ZFAND3: variants seen among roughly 807,000 people sequenced by gnomAD.
ZFAND3 encodes zinc finger AN1-type containing 3.
In ZFAND3, 10 loss-of-function variants were observed where a neutral mutation model predicts 29.6. The observed-to-expected ratio is 0.34, with a 90% CI of 0.21 to 0.57. The LOEUF is 0.57. Among genes scored for constraint, ZFAND3 ranks in the 20% least tolerant of loss-of-function variants. The pLI, the probability that ZFAND3 is intolerant of heterozygous loss-of-function variation, is 0.86. For synonymous variants in ZFAND3, 128 were observed against 112.6 expected, an observed-to-expected ratio of 1.14 and a Z score of -0.87; for missense variants, 230 against 304.5, an observed-to-expected ratio of 0.76 and a Z score of 1.82.
chr6:38,029,678 GA>G (rs1454883305), intron 2 of ZFAND3, among the ~76,000 whole-genome samples: 4 of 152,124 alleles, frequency 2.6e-5, no homozygotes, highest in Admixed American at 2.6e-4. Context: ...TTAAAAAGGA[GA>G]GATATTCATA....
intron 1 of ZFAND3, among the ~76,000 whole-genome samples, chr6:37,904,166 T>A (rs1765368844): frequency 6.6e-6 from 1 of 152,194 alleles, no homozygotes; most frequent in Non-Finnish European, 1.5e-5. Context: ...ATAAACCATG[T>A]TGGGCAGTGT....
intron 2 of ZFAND3, among the ~76,000 whole-genome samples, chr6:37,983,952 T>C (rs1336220680): frequency 6.6e-6 from 1 of 152,188 alleles, no homozygotes; most frequent in Admixed American, 6.5e-5. Context: ...CTTTGGGCAG[T>C]GCAATGAAAA....
chr6:37,855,760 C>T (rs1192336470), intron 1 of ZFAND3, among the ~76,000 whole-genome samples: 4 of 152,082 alleles, frequency 2.6e-5, no homozygotes, highest in Non-Finnish European at 5.9e-5. Flanking sequence ...ATATGTAGAC[C>T]TTCATGTACT....
chr6:37,994,027 G>T lies in ZFAND3; in HGVS notation c.112+64028G>T, dbSNP rs993922896. Among the ~76,000 whole-genome samples the T allele has an allele frequency of 3.3e-5, 5 of 152,120 alleles. No homozygotes were observed. The East Asian group carries it at 7.7e-4, about 23-fold the overall frequency. The stretch of plus-strand genomic sequence containing the variant: ...ATATCATAGGACCGGTAAAAGAATT[G>T]GATTTCTAACTTTTTAAAAAAACGA... On this transcript the variant is annotated intron_variant, in intron 2 of 5. Coordinates refer to ENST00000287218, the MANE Select transcript of ZFAND3 (RefSeq NM_021943.3).
chr6:38,131,664 C>T (rs1373005490), intron 5 of ZFAND3, among the ~76,000 whole-genome samples: 1 of 152,222 alleles, frequency 6.6e-6, no homozygotes, highest in Admixed American at 6.5e-5. Flanking sequence ...ACTGTTGTCC[C>T]CTTCCTTGCC....
intron 4 of ZFAND3, among the ~76,000 whole-genome samples, chr6:38,094,823 G>A (rs1279150179): frequency 6.6e-6 from 1 of 152,052 alleles, no homozygotes; most frequent in Admixed American, 6.5e-5. Flanking sequence ...CAAACTGCTG[G>A]GGTCCAGAAG....
chr6:38,082,483 T>A, intron 4 of ZFAND3, 26 bp downstream of exon 4: 2 of 1,601,442 alleles, frequency 1.2e-6, no homozygotes, highest in East Asian at 4.5e-5. Flanking sequence ...TTATGTGAAT[T>A]CATCCTTATT....
At chr6:38,030,590 A>G (rs1694064414) in intron 2 of ZFAND3, among the ~76,000 whole-genome samples, 1 of 152,190 alleles carries the variant, frequency 6.6e-6, no homozygotes, top group South Asian at 2.1e-4. Context: ...CTGATTGTTC[A>G]ACAGAAACAA....
chr6:38,074,570 A>C (rs1280869646), intron 3 of ZFAND3, among the ~76,000 whole-genome samples: 2 of 152,246 alleles, frequency 1.3e-5, no homozygotes, highest in African/African-American at 4.8e-5. Flanking sequence ...TGAGGCTAAG[A>C]AAAGAAGCCA....
intron 2 of ZFAND3, among the ~76,000 whole-genome samples, chr6:38,041,679 CT>C (rs1561976760): frequency 4.7e-5 from 1 of 21,062 alleles, no homozygotes; most frequent in Non-Finnish European, 8.9e-5. Flanking sequence ...TCTTCTTCTT[CT>C]TCTTCTCCTT....
chr6:37,948,484 T>C (rs1345981658), intron 2 of ZFAND3, among the ~76,000 whole-genome samples: 7 of 152,174 alleles, frequency 4.6e-5, no homozygotes, highest in Admixed American at 2.0e-4. Flanking sequence ...GTTTTTAGAC[T>C]TAGGGGGCAC....
At chr6:37,897,441 T>A (rs1449235801) in intron 1 of ZFAND3, among the ~76,000 whole-genome samples, 1 of 152,224 alleles carries the variant, frequency 6.6e-6, no homozygotes, top group African/African-American at 2.4e-5. Context: ...TGGCTTATCT[T>A]CCGTCTTTGT....
intron 1 of ZFAND3, among the ~76,000 whole-genome samples, chr6:37,911,256 C>T (rs1382077075): frequency 2.0e-5 from 3 of 152,076 alleles, no homozygotes; most frequent in Non-Finnish European, 2.9e-5. Context: ...GATAACTATT[C>T]CACTGCAGTT....
chr6:38,053,758 G>A (rs1464790865), intron 2 of ZFAND3, among the ~76,000 whole-genome samples: 2 of 152,104 alleles, frequency 1.3e-5, no homozygotes, highest in African/African-American at 4.8e-5. Context: ...GACTACAGTG[G>A]TAATGGAGAA....
chr6:37,886,514 G>A (rs537250370), intron 1 of ZFAND3, among the ~76,000 whole-genome samples: 26 of 152,296 alleles, frequency 1.7e-4, no homozygotes, highest in Admixed American at 1.1e-3. Flanking sequence ...TGGGTCAGAA[G>A]TAGTGGTTTC....
rs952963809 is a variant in ZFAND3, at chr6:38,021,920, G to C, written c.113-39673G>C. ...AAAGAATGGCTTAGATGAGTATTTA[G>C]GAGACCATCAATACTTAAATATAGG... On this transcript the variant is annotated intron_variant, in intron 2 of 5. Transcript: ENST00000287218. Among the ~76,000 whole-genome samples the C allele has an allele frequency of 5.1e-4, 78 of 152,256 alleles. 1 individual carries two copies. The highest frequency in any genetic ancestry group is 1.7e-3 in the African/African-American group (72 of 41,536).
At chr6:37,859,184 C>G (rs533362978) in intron 1 of ZFAND3, among the ~76,000 whole-genome samples, 1 of 152,280 alleles carries the variant, frequency 6.6e-6, no homozygotes, top group Admixed American at 6.5e-5. Context: ...TATTTCAATT[C>G]CATTACCTGC....
intron 2 of ZFAND3, among the ~76,000 whole-genome samples, chr6:38,006,780 A>G (rs564058005): frequency 6.6e-6 from 1 of 151,584 alleles, no homozygotes; most frequent in East Asian, 1.9e-4. Flanking sequence ...ATTGCCTCAT[A>G]TCGTGCGTCT....
intron 3 of ZFAND3, among the ~76,000 whole-genome samples, chr6:38,081,629 G>A (rs542981191): frequency 6.5e-4 from 99 of 152,078 alleles, no homozygotes; most frequent in African/African-American, 2.2e-3. Flanking sequence ...CCATCCCAGG[G>A]CATGTCATTG....
Sources: allele counts gnomAD v4.1 joint callset (sites outside exome capture counted in the v4.1 genomes callset), GRCh38; gene constraint gnomAD v4.1.1; transcripts MANE v1.5; gene names NCBI Gene and HGNC (gene_info 2026-07-23, HGNC 2026-07-21).